The following GMDS variants were observed in gnomAD, a reference collection of about 807,000 sequenced individuals.
GMDS encodes GDP-mannose 4,6 dehydratase.
GMDS carries 20 observed loss-of-function variants against 49.9 expected under a neutral mutation model. The observed-to-expected ratio is 0.40, with a 90% CI of 0.28 to 0.58. The LOEUF is 0.58. Ranked by LOEUF, GMDS falls within the 20% of genes least tolerant of loss-of-function variation. The pLI is 0.42. For missense variants in GMDS, 362 were observed against 481.4 expected (o/e 0.75, Z 2.32); for synonymous variants, 177 against 178.6 (o/e 0.99, Z 0.07).
intron 4 of GMDS, among the ~76,000 whole-genome samples, chr6:2,043,892 A>G (rs77357441): frequency 0.013 from 1,919 of 152,304 alleles, 44 homozygotes; most frequent in African/African-American, 0.044. Context: ...AACCCCATTA[A>G]AAGTGGGCAA....
At chr6:1,960,731 G>A in intron 5 of GMDS, 43 bp downstream of exon 5, 5 of 1,328,434 alleles carry the variant, frequency 3.8e-6, no homozygotes, top group Non-Finnish European at 4.2e-6. Flanking sequence ...CACACCCACA[G>A]ATAACGCCAC....
rs145206822 is a variant in GMDS at position 1,950,847 on chromosome 6, G to C, written c.643+9020C>G. On this transcript the variant is annotated intron_variant, in intron 6 of 10. Coordinates refer to ENST00000380815, the MANE Select transcript of GMDS (RefSeq NM_001500.4). ...CTCACCACCATGAACCATCTGGACA[G>C]GACAGGCGTTTGTTATAGAGCCATC... 3.5e-3 allele frequency among the ~76,000 whole-genome samples: 537 copies of C among 152,072 alleles called. 4 individuals are homozygous for C. The highest frequency in any genetic ancestry group is 0.014 in the Middle Eastern group (4 of 294).
At chr6:2,067,177 C>T (rs1269816396) in intron 4 of GMDS, among the ~76,000 whole-genome samples, 6 of 151,526 alleles carry the variant, frequency 4.0e-5, no homozygotes, top group East Asian at 1.9e-4. Context: ...GGGTACATAA[C>T]GAAATGAAGG....
At chr6:1,873,484 T>G (rs1382370669) in intron 7 of GMDS, among the ~76,000 whole-genome samples, 1 of 152,134 alleles carries the variant, frequency 6.6e-6, no homozygotes, top group Non-Finnish European at 1.5e-5. Context: ...TGGGGCCACT[T>G]TTTCCCTGGA....
chr6:2,223,134 G>A lies in GMDS; in HGVS notation c.102+22187C>T, dbSNP rs181761807. ...ATCAATCAATCAATCAATCAATAGC[G>A]CGCTCTCTCTCTCTCTATATATATA... On this transcript the variant is annotated intron_variant, in intron 1 of 10. Transcript: ENST00000380815. 1.1e-4 allele frequency among the ~76,000 whole-genome samples: 17 copies of A among 150,848 alleles called. No individual in the cohort carries two copies. In the East Asian group the frequency reaches 1.2e-3, roughly 10 times the overall value.
intron 7 of GMDS, among the ~76,000 whole-genome samples, chr6:1,886,431 A>G (rs1343544134): frequency 3.3e-5 from 5 of 152,234 alleles, no homozygotes; most frequent in Admixed American, 3.3e-4. Context: ...AGTAGATTTT[A>G]TATTATTAAG....
At chr6:1,738,482 C>G (rs774340423) in intron 8 of GMDS, among the ~76,000 whole-genome samples, 1 of 152,200 alleles carries the variant, frequency 6.6e-6, no homozygotes, top group Non-Finnish European at 1.5e-5. Flanking sequence ...GATGGCGACA[C>G]GTGTCAAGCC....
chr6:1,786,043 C>A (rs1285184195), intron 7 of GMDS, among the ~76,000 whole-genome samples: 1 of 152,150 alleles, frequency 6.6e-6, no homozygotes, highest in Middle Eastern at 3.2e-3. Flanking sequence ...AAAAAAAATT[C>A]ACGTAAAACC....
intron 9 of GMDS, among the ~76,000 whole-genome samples, chr6:1,638,550 C>T (rs953474111): frequency 2.0e-5 from 3 of 149,244 alleles, no homozygotes; most frequent in African/African-American, 7.5e-5. Flanking sequence ...GTGAGACTCC[C>T]AGACTTCCTC....
chr6:1,708,565 GTGC>G lies in GMDS; in HGVS notation c.987+17848_987+17850del, dbSNP rs1442750941. Among the ~76,000 whole-genome samples, 4 of 152,364 alleles carry G rather than the reference GTGC, an allele frequency of 2.6e-5. No homozygotes were observed. In the Middle Eastern group the frequency reaches 0.01, roughly 389 times the overall value. On this transcript the variant is annotated intron_variant, in intron 9 of 10. Transcript: ENST00000380815. ...AGAGCCCCACTGCATCAGATAACTG[GTGC>G]ATCAAATGGTTTAGATCTTGGGAAA...
chr6:1,983,920 C>T (rs941731204), intron 4 of GMDS, among the ~76,000 whole-genome samples: 56 of 152,138 alleles, frequency 3.7e-4, no homozygotes, highest in African/African-American at 1.1e-3. Context: ...TACATGCATG[C>T]GTATGTTCAG....
At chr6:2,066,730 T>C (rs539708665) in intron 4 of GMDS, among the ~76,000 whole-genome samples, 1 of 152,306 alleles carries the variant, frequency 6.6e-6, no homozygotes, top group African/African-American at 2.4e-5. Context: ...TAAATATATA[T>C]GCGCCCAATA....
intron 9 of GMDS, among the ~76,000 whole-genome samples, chr6:1,660,290 A>G (rs78813074): frequency 0.01 from 1,536 of 152,216 alleles, 9 homozygotes; most frequent in Non-Finnish European, 0.017. Context: ...TTTTTAAGGC[A>G]AAGTCTAGGA....
intron 8 of GMDS, among the ~76,000 whole-genome samples, chr6:1,732,988 A>G (rs1257792472): frequency 1.3e-5 from 2 of 152,258 alleles, no homozygotes; most frequent in African/African-American, 4.8e-5. Context: ...GCAACGAAGA[A>G]GATGGGCCTC....
Position 2,120,646 on chromosome 6 carries a change from G to A in GMDS, c.148-3090C>T, listed in dbSNP as rs1185884257. On this transcript the variant is annotated intron_variant, in intron 2 of 10. Coordinates refer to ENST00000380815, the MANE Select transcript of GMDS (RefSeq NM_001500.4). Reference sequence around the variant, plus strand: ...GGTTCAACATTGTCTTTACTTCTCTGGTTTTCCTCTGTACTTAGTGCAAAA... The same window carrying A: ...GGTTCAACATTGTCTTTACTTCTCTAGTTTTCCTCTGTACTTAGTGCAAAA... Among the ~76,000 whole-genome samples the A allele has an allele frequency of 2.0e-5, 3 of 152,166 alleles. No individual in the cohort carries two copies. The East Asian group carries it at 5.8e-4, about 29-fold the overall frequency.
chr6:1,885,046 C>G (rs947128158), intron 7 of GMDS, among the ~76,000 whole-genome samples: 5 of 152,278 alleles, frequency 3.3e-5, no homozygotes, highest in African/African-American at 1.2e-4. Flanking sequence ...GATATTTAAG[C>G]AATCTGGCAC....
At chr6:1,852,005 C>A (rs559876517) in intron 7 of GMDS, among the ~76,000 whole-genome samples, 2 of 152,316 alleles carry the variant, frequency 1.3e-5, no homozygotes, top group Admixed American at 6.5e-5. Context: ...GAGGCTCCCA[C>A]ACGGAATCAC....
intron 4 of GMDS, among the ~76,000 whole-genome samples, chr6:2,016,281 C>T (rs1333957675): frequency 6.7e-6 from 1 of 149,014 alleles, no homozygotes; most frequent in East Asian, 1.9e-4. Flanking sequence ...AAGCAGAAAG[C>T]AGACGATGAA....
intron 1 of GMDS, among the ~76,000 whole-genome samples, chr6:2,154,712 C>T (rs1427352295): frequency 6.6e-6 from 1 of 151,494 alleles, no homozygotes; most frequent in East Asian, 1.9e-4. Flanking sequence ...AAACATATGC[C>T]CAGATATGCA....
Sources: gnomAD v4.1 joint callset for allele counts (sites outside exome capture counted in the v4.1 genomes callset) on GRCh38, gnomAD v4.1.1 for gene constraint, MANE v1.5 for transcripts, NCBI Gene and HGNC (gene_info 2026-07-23, HGNC 2026-07-21) for gene names.